Variants in JAKMIP2 observed in about 807,000 individuals in gnomAD.
The protein encoded by JAKMIP2 is janus kinase and microtubule-interacting protein 2.
JAKMIP2 carries 25 observed loss-of-function variants against 115.0 expected under a neutral mutation model. The observed-to-expected ratio is 0.22, with a 90% CI of 0.16 to 0.30. The LOEUF (loss-of-function observed/expected upper bound fraction) is 0.30. JAKMIP2 is among the 10% of genes least tolerant of loss of function. The probability of loss-of-function intolerance (pLI) is 1.00; values close to 1 mark genes in which losing one functional copy is unlikely to be tolerated. For missense variants in JAKMIP2, 642 were observed against 957.6 expected (o/e 0.67, Z 4.35); for synonymous variants, 334 against 343.6 (o/e 0.97, Z 0.31).
chr5:147,642,001 CTG>C (rs1289525436), intron 7 of JAKMIP2, among the ~76,000 whole-genome samples: 1 of 152,082 alleles, frequency 6.6e-6, no homozygotes, highest in East Asian at 1.9e-4. Context: ...AGAAAGTGTA[CTG>C]TGTTCCTAAT....
At chr5:147,743,395 T>C (rs1470043713) in intron 1 of JAKMIP2, among the ~76,000 whole-genome samples, 3 of 152,228 alleles carry the variant, frequency 2.0e-5, no homozygotes, top group African/African-American at 7.2e-5. Context: ...GGAGAAATCT[T>C]TTAATTAGAA....
At chr5:147,704,371 C>T (rs1244068707) in intron 1 of JAKMIP2, among the ~76,000 whole-genome samples, 1 of 152,108 alleles carries the variant, frequency 6.6e-6, no homozygotes, top group Non-Finnish European at 1.5e-5. Context: ...CTAAGCAAAA[C>T]GAACTTTTCA....
intron 12 of JAKMIP2, among the ~76,000 whole-genome samples, chr5:147,634,701 T>C (rs1757526744): frequency 6.6e-6 from 1 of 152,190 alleles, no homozygotes; most frequent in African/African-American, 2.4e-5. Flanking sequence ...GCCCACTCTG[T>C]ATATAACATA....
At chr5:147,729,163 T>A (rs1753628457) in intron 1 of JAKMIP2, among the ~76,000 whole-genome samples, 1 of 152,114 alleles carries the variant, frequency 6.6e-6, no homozygotes, top group Non-Finnish European at 1.5e-5. Flanking sequence ...AGTGTTAGGA[T>A]GTCCCTGAAT....
At chr5:147,690,541 A>T (rs1353024608) in intron 1 of JAKMIP2, among the ~76,000 whole-genome samples, 19 of 972 alleles carry the variant, frequency 0.02, no homozygotes, top group African/African-American at 0.11. Flanking sequence ...TAAAGAGATT[A>T]TATATATATA....
chr5:147,772,599 T>C (rs1260453351), intron 1 of JAKMIP2, among the ~76,000 whole-genome samples: 1 of 151,922 alleles, frequency 6.6e-6, no homozygotes, highest in African/African-American at 2.4e-5. Flanking sequence ...AATGTCAAAA[T>C]TATAAAATTT....
At chr5:147,748,249 A>T (rs1754422324) in intron 1 of JAKMIP2, among the ~76,000 whole-genome samples, 1 of 152,160 alleles carries the variant, frequency 6.6e-6, no homozygotes, top group African/African-American at 2.4e-5. Context: ...TACCAAATAG[A>T]GTTACTATGA....
chr5:147,610,354 T>C (rs1756249450), intron 20 of JAKMIP2, among the ~76,000 whole-genome samples: 1 of 152,236 alleles, frequency 6.6e-6, no homozygotes, highest in Non-Finnish European at 1.5e-5. Context: ...GTTGGTGACC[T>C]TCGGATACAG....
intron 18 of JAKMIP2, among the ~76,000 whole-genome samples, chr5:147,619,753 C>T (rs1756760022): frequency 6.6e-6 from 1 of 152,082 alleles, no homozygotes; most frequent in Admixed American, 6.5e-5. Context: ...GCCCATTTAC[C>T]ATGGAAGCCT....
intron 1 of JAKMIP2, among the ~76,000 whole-genome samples, chr5:147,732,293 T>C (rs1173760693): frequency 6.6e-6 from 1 of 152,216 alleles, no homozygotes; most frequent in African/African-American, 2.4e-5. Flanking sequence ...TGTGAATCCA[T>C]GTATTTCTTA....
At position 147,782,664 on chromosome 5, in the gene JAKMIP2, G is replaced by A. The variant is rs115937415; in HGVS notation, c.-357C>T. On this transcript the variant is annotated 5_prime_UTR_variant, in exon 1 of 22. Coordinates refer to ENST00000616793, the MANE Select transcript of JAKMIP2 (RefSeq NM_001270941.2). Reference sequence around the variant, plus strand: ...TATCAGCAATAGAGGCGGCGGCGGCGGCAGCAGCAGCAGCAGCAGCATCAC... The same window carrying A: ...TATCAGCAATAGAGGCGGCGGCGGCAGCAGCAGCAGCAGCAGCAGCATCAC... 66,252 of 635,504 alleles carry A rather than the reference G, an allele frequency of 0.1. 2,913 individuals are homozygous for A. The highest frequency in any genetic ancestry group is 0.13 in the Admixed American group (5,683 of 44,302). The allele number at this position is 635,504 out of a possible 1,614,324, so 39.4% of individuals were successfully genotyped here.
At chr5:147,595,817 C>G (rs564561695) in intron 21 of JAKMIP2, among the ~76,000 whole-genome samples, 1 of 152,026 alleles carries the variant, frequency 6.6e-6, no homozygotes, top group East Asian at 1.9e-4. Flanking sequence ...ATTTGGTATA[C>G]AAGGTTGAAC....
intron 1 of JAKMIP2, among the ~76,000 whole-genome samples, chr5:147,770,984 C>T (rs1251543135): frequency 1.3e-5 from 2 of 151,854 alleles, no homozygotes; most frequent in Non-Finnish European, 2.9e-5. Context: ...TTCTTTTTTT[C>T]ACTGAGGAAA....
intron 7 of JAKMIP2, among the ~76,000 whole-genome samples, chr5:147,641,967 T>C (rs575007262): frequency 4.6e-5 from 7 of 152,308 alleles, no homozygotes; most frequent in Admixed American, 3.9e-4. Flanking sequence ...TGATGAGTTA[T>C]GTGGATCAAG....
chr5:147,611,137 C>T (rs866465701), intron 20 of JAKMIP2, among the ~76,000 whole-genome samples: 9 of 152,288 alleles, frequency 5.9e-5, no homozygotes, highest in South Asian at 2.1e-4. Context: ...GGGTGGGATC[C>T]GCTGAGCAAG....
chr5:147,648,854 C>T (rs1482720413), intron 4 of JAKMIP2, among the ~76,000 whole-genome samples: 1 of 152,134 alleles, frequency 6.6e-6, no homozygotes, highest in African/African-American at 2.4e-5. Context: ...CACATTGCTT[C>T]CCACAGCTTA....
chr5:147,657,897 G>T (rs781105183), intron 3 of JAKMIP2, among the ~76,000 whole-genome samples: 2 of 151,940 alleles, frequency 1.3e-5, no homozygotes, highest in Non-Finnish European at 2.9e-5. Context: ...CTAGTTAGCG[G>T]TTCCTGTAAC....
rs184830058 is a variant in JAKMIP2, at chr5:147,657,752, T to C, written c.627+3196A>G. Reference sequence around the variant, plus strand: ...GTCTGCATGCCTTATTTCAGCAAGATGGTTTTCAAATTCTGATCTCCTTTC... The same window carrying C: ...GTCTGCATGCCTTATTTCAGCAAGACGGTTTTCAAATTCTGATCTCCTTTC... On this transcript the variant is annotated intron_variant, in intron 3 of 21. Transcript: ENST00000616793. Among the ~76,000 whole-genome samples the C allele has an allele frequency of 1.7e-4, 26 of 152,112 alleles. No individual in the cohort carries two copies. In the East Asian group the frequency reaches 3.7e-3, roughly 22 times the overall value.
At chr5:147,708,488 G>A (rs1350099634) in intron 1 of JAKMIP2, among the ~76,000 whole-genome samples, 2 of 152,036 alleles carry the variant, frequency 1.3e-5, no homozygotes, top group Non-Finnish European at 2.9e-5. Flanking sequence ...AGGAGAAACA[G>A]GTTGGAATTA....
Sources: gnomAD v4.1 joint callset for allele counts (sites outside exome capture counted in the v4.1 genomes callset) on GRCh38, gnomAD v4.1.1 for gene constraint, MANE v1.5 for transcripts, NCBI Gene and HGNC (gene_info 2026-07-23, HGNC 2026-07-21) for gene names.